DYNLT1: variants seen among roughly 807,000 people sequenced by gnomAD.
DYNLT1 encodes T-complex testis-specific protein 1 homolog.
In DYNLT1, 18 loss-of-function variants were observed where a neutral mutation model predicts 19.6. The ratio of observed to expected loss-of-function variants is 0.92; its 90% CI spans 0.64 to 1.36. The LOEUF is 1.36. DYNLT1 is among the 40% of genes most tolerant of loss of function. DYNLT1 has a pLI of 0.00. For synonymous variants in DYNLT1, 56 were observed against 44.0 expected (o/e 1.27, Z -1.07); for missense variants, 137 against 139.3 (o/e 0.98, Z 0.08).
rs1381688316 is a variant in DYNLT1, at chr6:158,636,773, G to A, written c.*54C>T. ...AGAGTTCACTGAATTCATGGCTGGT[G>A]GTTAGAGGATGAACTAGAGACAAAA... is the stretch of plus-strand genomic sequence containing the variant. On this transcript the variant is annotated 3_prime_UTR_variant, in exon 5 of 5. Transcript: ENST00000367089. The A allele has an allele frequency of 6.5e-7, 1 of 1,536,970 alleles. No homozygotes were observed. Among genetic ancestry groups the A allele is most frequent in the South Asian group, 1.2e-5 (1 of 85,644 alleles).
Position 158,636,908 on chromosome 6 carries a change from G to C in DYNLT1, c.272-11C>G. On this transcript the variant is annotated splice_polypyrimidine_tract_variant and intron_variant, in intron 4 of 4. Coordinates refer to ENST00000367089, the MANE Select transcript of DYNLT1 (RefSeq NM_006519.4). ...GCACAGTGCAGCTCCCTGCGGGAGG[G>C]AAGAGAGCAGCATTTACGGCAGGGA... 1 of 1,613,222 alleles carries C rather than the reference G, an allele frequency of 6.2e-7. No homozygotes were observed. Among genetic ancestry groups the C allele is most frequent in the Non-Finnish European group, 8.5e-7 (1 of 1,179,556 alleles).
chr6:158,641,014 A>T (rs1031056927), intron 2 of DYNLT1, among the ~76,000 whole-genome samples: 1 of 152,234 alleles, frequency 6.6e-6, no homozygotes, highest in Admixed American at 6.5e-5. Context: ...CTCTTTCTTC[A>T]TTCAACCCTG....
chr6:158,637,276 C>T (rs919877970), intron 3 of DYNLT1, 71 bp from the exon 4 acceptor site: 4 of 1,393,316 alleles, frequency 2.9e-6, no homozygotes, highest in Non-Finnish European at 4.0e-6. Flanking sequence ...CCACTTTTAG[C>T]AAACGTACAA....
intron 4 of DYNLT1, 72 bp from the exon 5 acceptor site, chr6:158,636,969 A>G: frequency 1.3e-6 from 2 of 1,564,998 alleles, no homozygotes; most frequent in Non-Finnish European, 1.7e-6. Context: ...CAATAAGGCC[A>G]ACATTCAAGT....
chr6:158,644,591 T>TGGGCAGCCAGGCCTTTCCGGGCA, intron 1 of DYNLT1, 91 bp downstream of exon 1: 1 of 1,494,906 alleles, frequency 6.7e-7, no homozygotes, highest in Non-Finnish European at 9.2e-7. Flanking sequence ...CTGAAGGAGG[T>TGGGCAGCCAGGCCTTTCCGGGCA]GGGCAGCCAG....
chr6:158,641,311 CCT>C lies in DYNLT1; in HGVS notation c.69+6_69+7del, dbSNP rs752700484. 3 of 1,591,176 alleles carry C rather than the reference CCT, an allele frequency of 1.9e-6. No individual in the cohort carries two copies. In the South Asian group the frequency reaches 3.5e-5, roughly 18 times the overall value. On this transcript the variant is annotated splice_donor_region_variant and intron_variant, in intron 2 of 4. Transcript: ENST00000367089. ...AAACATTTAAGAAGTGAGCATTTCT[CCT>C]CTTACCTCTTTTACAATGTTGCTCA... is the stretch of plus-strand genomic sequence containing the variant.
At chr6:158,638,608 G>C (rs146837839) in intron 2 of DYNLT1, among the ~76,000 whole-genome samples, 2 of 152,038 alleles carry the variant, frequency 1.3e-5, no homozygotes, top group East Asian at 3.9e-4. Context: ...CTGCAGGCAT[G>C]TGCCACCACG....
At chr6:158,644,626 C>T (rs1021994532) in intron 1 of DYNLT1, 56 bp downstream of exon 1, 25 of 1,605,568 alleles carry the variant, frequency 1.6e-5, no homozygotes, top group Admixed American at 3.3e-5. Flanking sequence ...GACCGCGTGT[C>T]CTTCCGCGGC....
In DYNLT1 at chr6:158,636,567, G is replaced by A; in HGVS notation, c.*260C>T. On this transcript the variant is annotated 3_prime_UTR_variant, in exon 5 of 5. Coordinates refer to ENST00000367089, the MANE Select transcript of DYNLT1 (RefSeq NM_006519.4). ...AGAGAGTAGAGCAAGTTTCACACTA[G>A]CAGATTTCAGATTTTAGCACCTTTG... 1 of 428,126 alleles carries A rather than the reference G, an allele frequency of 2.3e-6. No homozygotes were observed. The highest frequency in any genetic ancestry group is 4.3e-6 in the Non-Finnish European group (1 of 233,136). 26.5% of individuals were successfully genotyped at this position (428,126 alleles called of 1,614,324 possible).
At chr6:158,638,618 G>A (rs191362710) in intron 2 of DYNLT1, among the ~76,000 whole-genome samples, 335 of 151,828 alleles carry the variant, frequency 2.2e-3, no homozygotes, top group African/African-American at 7.7e-3. Flanking sequence ...GTGCCACCAC[G>A]CCTGGCTAGT....
At chr6:158,641,432 G>T in intron 1 of DYNLT1, 72 bp from the exon 2 acceptor site, 1 of 1,329,624 alleles carries the variant, frequency 7.5e-7, no homozygotes, top group Non-Finnish European at 1.0e-6. Context: ...AAATGCAAAT[G>T]TAGGTAATGA....
chr6:158,642,964 G>A (rs967864519), intron 1 of DYNLT1, among the ~76,000 whole-genome samples: 1 of 152,220 alleles, frequency 6.6e-6, no homozygotes, highest in Non-Finnish European at 1.5e-5. Flanking sequence ...AGGCTGGTGG[G>A]AGGACCAGAA....
intron 1 of DYNLT1, chr6:158,641,966 C>A (rs1027777087): frequency 1.2e-4 from 18 of 152,308 alleles, no homozygotes; most frequent in African/African-American, 4.1e-4. Flanking sequence ...AATCATTAAC[C>A]AATAGAGAGG....
chr6:158,636,569 A>G lies in DYNLT1; in HGVS notation c.*258T>C. 2.3e-6 allele frequency: 1 copy of G among 433,028 alleles called. No individual in the cohort carries two copies. Among genetic ancestry groups the G allele is most frequent in the Non-Finnish European group, 4.2e-6 (1 of 236,162 alleles). 26.8% of individuals were successfully genotyped at this position (433,028 alleles called of 1,614,324 possible). A position where few individuals can be genotyped will look rare whatever the true frequency, so the allele number is the denominator to read the frequency against. On this transcript the variant is annotated 3_prime_UTR_variant, in exon 5 of 5. Coordinates refer to ENST00000367089, the MANE Select transcript of DYNLT1 (RefSeq NM_006519.4). Reference sequence around the variant, plus strand: ...AGAGTAGAGCAAGTTTCACACTAGCAGATTTCAGATTTTAGCACCTTTGAA... The same window carrying G: ...AGAGTAGAGCAAGTTTCACACTAGCGGATTTCAGATTTTAGCACCTTTGAA...
intron 2 of DYNLT1, among the ~76,000 whole-genome samples, chr6:158,639,894 T>C (rs1020717207): frequency 6.6e-6 from 1 of 152,180 alleles, no homozygotes; most frequent in Non-Finnish European, 1.5e-5. Context: ...TTGGACAGGA[T>C]GGTCTCGATC....
chr6:158,636,802 G>T lies in DYNLT1; in HGVS notation c.*25C>A. 6.2e-7 allele frequency: 1 copy of T among 1,601,400 alleles called. No homozygotes were observed. On this transcript the variant is annotated 3_prime_UTR_variant, in exon 5 of 5. Transcript: ENST00000367089. ...AGAGGATGAACTAGAGACAAAAGGAGAAAGGCCATAGGCTGGACTGCAGGT... is the reference window on the plus strand; with the variant it reads ...AGAGGATGAACTAGAGACAAAAGGATAAAGGCCATAGGCTGGACTGCAGGT...
chr6:158,639,423 G>A (rs563398071), intron 2 of DYNLT1, among the ~76,000 whole-genome samples: 1 of 150,536 alleles, frequency 6.6e-6, no homozygotes, highest in Non-Finnish European at 1.5e-5. Context: ...GTCAAAGGGT[G>A]GGGGAGGCTT....
chr6:158,637,941 A>C (rs2128337091), intron 2 of DYNLT1, 47 bp from the exon 3 acceptor site: 1 of 1,592,584 alleles, frequency 6.3e-7, no homozygotes, highest in East Asian at 2.2e-5. Flanking sequence ...AAATGCACCC[A>C]CACCACCTTT....
In DYNLT1 at chr6:158,636,902, G is replaced by T; in HGVS notation, c.272-5C>A. ...CCCATCGCACAGTGCAGCTCCCTGC[G>T]GGAGGGAAGAGAGCAGCATTTACGG... On this transcript the variant is annotated splice_region_variant and splice_polypyrimidine_tract_variant and intron_variant, in intron 4 of 4. Transcript: ENST00000367089. 6.2e-7 allele frequency: 1 copy of T among 1,613,288 alleles called. No homozygotes were observed. The highest frequency in any genetic ancestry group is 8.5e-7 in the Non-Finnish European group (1 of 1,179,618).
Sources: allele counts gnomAD v4.1 joint callset (sites outside exome capture counted in the v4.1 genomes callset), GRCh38; gene constraint gnomAD v4.1.1; transcripts MANE v1.5; gene names NCBI Gene and HGNC (gene_info 2026-07-23, HGNC 2026-07-21).